Variants in EHMT1 observed in about 807,000 individuals in gnomAD.
The protein encoded by EHMT1 is euchromatic histone lysine methyltransferase 1.
EHMT1 carries 15 observed loss-of-function variants against 147.2 expected under a neutral mutation model. The ratio of observed to expected loss-of-function variants is 0.10; its 90% confidence interval spans 0.07 to 0.16. EHMT1 has a LOEUF of 0.16. EHMT1 is among the 10% of genes least tolerant of loss of function. The probability of loss-of-function intolerance (pLI) is 1.00; values close to 1 mark genes in which losing one functional copy is unlikely to be tolerated. For synonymous variants in EHMT1, 795 were observed against 709.6 expected (o/e 1.12, Z -1.91); for missense variants, 1,587 against 1,772.4 (o/e 0.90, Z 1.88).
At chr9:137,660,268 A>G (rs1938942206) in intron 1 of EHMT1, among the ~76,000 whole-genome samples, 1 of 152,010 alleles carries the variant, frequency 6.6e-6, no homozygotes, top group Non-Finnish European at 1.5e-5. Context: ...GGAGGCAAGC[A>G]GAAGTTGCAG....
chr9:137,800,144 C>T (rs908253432), intron 17 of EHMT1, among the ~76,000 whole-genome samples: 13 of 152,220 alleles, frequency 8.5e-5, no homozygotes, highest in African/African-American at 2.4e-4. Flanking sequence ...GGTCCTTTGA[C>T]GGGTGCTGGG....
At chr9:137,657,987 C>T (rs995549220) in intron 1 of EHMT1, among the ~76,000 whole-genome samples, 2 of 152,068 alleles carry the variant, frequency 1.3e-5, no homozygotes, top group Non-Finnish European at 2.9e-5. Context: ...CTTTCTGTGC[C>T]CAGCTGATTT....
intron 18 of EHMT1, among the ~76,000 whole-genome samples, chr9:137,808,420 G>C (rs1400255076): frequency 6.6e-6 from 1 of 152,110 alleles, no homozygotes; most frequent in Non-Finnish European, 1.5e-5. Flanking sequence ...TTCCCTGCCT[G>C]GTGTCTGGTG....
chr9:137,711,972 C>T (rs570368272), intron 2 of EHMT1, among the ~76,000 whole-genome samples: 5 of 152,318 alleles, frequency 3.3e-5, no homozygotes, highest in East Asian at 3.9e-4. Flanking sequence ...TAGATGGCCT[C>T]GCTGTGCCTG....
rs1364886657 is a variant in EHMT1 at position 137,775,943 on chromosome 9, C to T, written c.1792-675C>T. On this transcript the variant is annotated intron_variant, in intron 11 of 26. Coordinates refer to ENST00000460843, the MANE Select transcript of EHMT1 (RefSeq NM_024757.5). The surrounding 1 kb of genome is among the most constrained non-coding windows in gnomAD (Gnocchi z 6.1). Reference sequence around the variant, plus strand: ...TGTGTGAGCCTCTGCCTGTAAGCGTCTGTCTGTGTGCGCCTGTGTGTGTGA... The same window carrying T: ...TGTGTGAGCCTCTGCCTGTAAGCGTTTGTCTGTGTGCGCCTGTGTGTGTGA... Among the ~76,000 whole-genome samples, 1 of 151,876 alleles carries T rather than the reference C, an allele frequency of 6.6e-6. No homozygotes were observed. Among genetic ancestry groups the T allele is most frequent in the Admixed American group, 6.6e-5 (1 of 15,254 alleles).
At chr9:137,815,835 C>G (rs1954875579) in intron 22 of EHMT1, 112 bp from the exon 23 acceptor site, 1 of 926,294 alleles carries the variant, frequency 1.1e-6, no homozygotes, top group African/African-American at 1.6e-5. Context: ...CAGAAACCAT[C>G]GTTTTTATGT....
chr9:137,677,172 C>T (rs990778284), intron 1 of EHMT1, among the ~76,000 whole-genome samples: 6 of 151,770 alleles, frequency 4.0e-5, no homozygotes, highest in Admixed American at 6.6e-5. Flanking sequence ...TTCGCTCTGT[C>T]GCCCAGGCTG....
rs535244167 is a variant in EHMT1, at chr9:137,669,851, G to A, written c.22-41116G>A. On this transcript the variant is annotated intron_variant, in intron 1 of 26. Transcript: ENST00000460843. ...TACAGGTGTGAGCCATGATGCCTGG[G>A]CCAAAAAGATTTTTTTGGAGACGGA... Among the ~76,000 whole-genome samples the A allele has an allele frequency of 2.0e-5, 3 of 152,134 alleles. No homozygotes were observed. In the South Asian group the frequency reaches 6.2e-4, roughly 32 times the overall value.
rs528358791 is a variant in EHMT1 at position 137,730,417 on chromosome 9, G to A, written c.823+1888G>A. Among the ~76,000 whole-genome samples the A allele has an allele frequency of 2.6e-5, 4 of 151,366 alleles. No individual in the cohort carries two copies. In the South Asian group the frequency reaches 6.2e-4, roughly 24 times the overall value. On this transcript the variant is annotated intron_variant, in intron 4 of 26. Transcript: ENST00000460843. ...AAGGAGGTGCTTCACTTTCCTGTCC[G>A]TCCACACAGTTATCTGTCCATTTAC...
intron 14 of EHMT1, 135 bp downstream of exon 14, chr9:137,779,852 A>T (rs1219119457): frequency 1.1e-6 from 1 of 931,588 alleles, no homozygotes; most frequent in African/African-American, 1.6e-5. Context: ...GAGTTCTCTG[A>T]TGAGTGAGAA....
intron 9 of EHMT1, among the ~76,000 whole-genome samples, chr9:137,762,339 T>G (rs531683870): frequency 6.6e-6 from 1 of 152,270 alleles, no homozygotes; most frequent in Non-Finnish European, 1.5e-5. Context: ...GCTCTTTTGT[T>G]TGAAAGCAAA....
chr9:137,718,309 T>C (rs1945566546), intron 3 of EHMT1, among the ~76,000 whole-genome samples: 1 of 152,282 alleles, frequency 6.6e-6, no homozygotes. Flanking sequence ...AAAGTGTTCA[T>C]GGTGCTTTTA....
intron 1 of EHMT1, among the ~76,000 whole-genome samples, chr9:137,689,955 G>T (rs905333793): frequency 3.9e-5 from 6 of 152,194 alleles, no homozygotes; most frequent in African/African-American, 1.4e-4. Flanking sequence ...CTGGTCAGTC[G>T]TGGTGAACAG....
At chr9:137,823,594 G>C (rs1046231236) in intron 25 of EHMT1, 1 of 234,268 alleles carries the variant, frequency 4.3e-6, no homozygotes, top group African/African-American at 2.4e-5. Context: ...TGTATTTTTA[G>C]TAGAGACGGG....
intron 1 of EHMT1, among the ~76,000 whole-genome samples, chr9:137,650,147 G>C (rs941801626): frequency 1.3e-4 from 20 of 152,100 alleles, no homozygotes; most frequent in African/African-American, 4.8e-4. Context: ...CACCCAGGCT[G>C]GAGTGCAGTG....
intron 1 of EHMT1, among the ~76,000 whole-genome samples, chr9:137,709,651 C>T (rs1251087558): frequency 2.1e-5 from 3 of 141,634 alleles, no homozygotes; most frequent in African/African-American, 8.5e-5. Flanking sequence ...CGCTGGACAC[C>T]CGGGTTTTTG....
chr9:137,684,834 G>A (rs1176897454), intron 1 of EHMT1, among the ~76,000 whole-genome samples: 4 of 152,136 alleles, frequency 2.6e-5, no homozygotes, highest in Non-Finnish European at 5.9e-5. Context: ...ACTAGTCAAC[G>A]TCAGGAAGTT....
At chr9:137,629,112 G>C (rs1440773754) in intron 1 of EHMT1, among the ~76,000 whole-genome samples, 1 of 147,522 alleles carries the variant, frequency 6.8e-6, no homozygotes, top group Non-Finnish European at 1.5e-5. Flanking sequence ...TTTTTTTTGA[G>C]ATGGAGTTTC....
rs113123577 is a variant in EHMT1 at position 137,793,432 on chromosome 9, C to T, written c.2505+2462C>T. 9.6e-3 allele frequency among the ~76,000 whole-genome samples: 1,460 copies of T among 152,316 alleles called. 21 individuals carry two copies. Among genetic ancestry groups the T allele is most frequent in the African/African-American group, 0.032 (1,317 of 41,564 alleles). ...ATGTGGCAATATCGGAACTCTCACG[C>T]GTTGCTAGTGGGGATGTAAACGCTG... is the stretch of plus-strand genomic sequence containing the variant. On this transcript the variant is annotated intron_variant, in intron 16 of 26. Coordinates refer to ENST00000460843, the MANE Select transcript of EHMT1 (RefSeq NM_024757.5).
Sources: allele counts gnomAD v4.1 joint callset (sites outside exome capture counted in the v4.1 genomes callset), GRCh38; gene constraint gnomAD v4.1.1; non-coding constraint Gnocchi (gnomAD v3.1); transcripts MANE v1.5; gene names NCBI Gene and HGNC (gene_info 2026-07-23, HGNC 2026-07-21).